SRARP: variants seen among roughly 807,000 people sequenced by gnomAD.
SRARP encodes steroid receptor-associated and regulated protein.
SRARP carries 5 observed loss-of-function variants against 3.6 expected under a neutral mutation model. That is an observed-to-expected ratio of 1.39 (90% CI 0.73 to 2.93). The LOEUF is 2.93. Among genes scored for constraint, SRARP ranks in the 30% most tolerant of loss-of-function variants. The pLI is 0.00. For synonymous variants in SRARP, 96 were observed against 91.6 expected (o/e 1.05, Z -0.27); for missense variants, 215 against 216.7 (o/e 0.99, Z 0.05).
chr1:16,006,539 C>T lies in SRARP; in HGVS notation c.*193C>T, dbSNP rs770398572. 6.7e-5 allele frequency: 40 copies of T among 597,402 alleles called. No individual in the cohort carries two copies. The highest frequency in any genetic ancestry group is 1.1e-4 in the Non-Finnish European group (39 of 349,560). The allele number at this position is 597,402 out of a possible 1,614,324, so 37.0% of individuals were successfully genotyped here. ...ACATGAAGAGACTCATTCATTCATA[C>T]AGCAAATATTACTGGTACATCTTCC... On this transcript the variant is annotated 3_prime_UTR_variant, in exon 2 of 2. Transcript: ENST00000329454.
Position 16,006,177 on chromosome 1 carries a change from G to T in SRARP, c.341G>T (p.Arg114Ile). ...GCCAGGGCCACCCTGCCGCTCTGCA[G>T]AGGGTCTGTGGCCTCAGCTTCCTTC... is the stretch of plus-strand genomic sequence containing the variant. ...AQARATLPLC[R>I]GSVASASFPV... The change falls in exon 2 of 2, where the codon AGA becomes ATA. Residue 114 changes from arginine (R) to isoleucine (I), a missense_variant. Coordinates refer to ENST00000329454, the MANE Select transcript of SRARP (RefSeq NM_178840.4). 1 of 1,613,940 alleles carries T rather than the reference G, an allele frequency of 6.2e-7. No individual in the cohort carries two copies. The highest frequency in any genetic ancestry group is 8.5e-7 in the Non-Finnish European group (1 of 1,180,034).
Position 16,008,378 on chromosome 1 carries a change from A to G in SRARP, c.*2032A>G, listed in dbSNP as rs753128156. 3 of 152,264 alleles carry G rather than the reference A, an allele frequency of 2.0e-5. No individual in the cohort carries two copies. The highest frequency in any genetic ancestry group is 2.9e-5 in the Non-Finnish European group (2 of 68,054). 9.4% of individuals were successfully genotyped at this position (152,264 alleles called of 1,614,324 possible). On this transcript the variant is annotated 3_prime_UTR_variant, in exon 2 of 2. Transcript: ENST00000329454. Reference sequence around the variant, plus strand: ...ATTTATTGGGCATCCACTGAATGCCAGGCTTTGGGCTAAACCATGAGATGG... The same window carrying G: ...ATTTATTGGGCATCCACTGAATGCCGGGCTTTGGGCTAAACCATGAGATGG...
rs1489329707 is a variant in SRARP, at chr1:16,006,213, C to T, written c.377C>T (p.Pro126Leu). The T allele has an allele frequency of 5.6e-6, 9 of 1,613,930 alleles. No individual in the cohort carries two copies. Among genetic ancestry groups the T allele is most frequent in the South Asian group, 2.2e-5 (2 of 91,090 alleles). The change falls in exon 2 of 2, where the codon CCG (proline) becomes CTG (leucine). Residue 126 changes from proline to leucine, a missense_variant. Coordinates refer to ENST00000329454, the MANE Select transcript of SRARP (RefSeq NM_178840.4). ...GCCTCAGCTTCCTTCCCAGTCAGCC[C>T]GCTCTGCCCCCAGGAGGTTCCCGAG... ...SVASASFPVS[P>L]LCPQEVPEAK...
Position 16,006,255 on chromosome 1 carries a change from T to G in SRARP, c.419T>G (p.Val140Gly). Reference protein sequence around the residue: ...QEVPEAKGKPVKAAPVRSSTW... With the variant: ...QEVPEAKGKPGKAAPVRSSTW... ...GTTCCCGAGGCTAAGGGGAAACCCG[T>G]GAAGGCTGCGCCTGTGAGGTCTTCA... The change falls in exon 2 of 2, where the codon GTG becomes GGG. Residue 140 changes from valine to glycine, a missense_variant. Transcript: ENST00000329454. 1 of 1,614,004 alleles carries G rather than the reference T, an allele frequency of 6.2e-7. No homozygotes were observed. Among genetic ancestry groups the G allele is most frequent in the Non-Finnish European group, 8.5e-7 (1 of 1,180,034 alleles).
rs562547008 is a variant in SRARP at position 16,006,693 on chromosome 1, C to T, written c.*347C>T. On this transcript the variant is annotated 3_prime_UTR_variant, in exon 2 of 2. Coordinates refer to ENST00000329454, the MANE Select transcript of SRARP (RefSeq NM_178840.4). ...AAATAAAGAAGATGATTTTGAACAG[C>T]GATGAATGCTCTGCAGGAACTGAAA... The T allele has an allele frequency of 3.8e-4, 82 of 217,436 alleles. No individual in the cohort carries two copies. Among genetic ancestry groups the T allele is most frequent in the African/African-American group, 1.8e-3 (80 of 43,748 alleles). 13.5% of individuals were successfully genotyped at this position (217,436 alleles called of 1,614,324 possible).
chr1:16,004,485 C>T (rs2073115832), intron 1 of SRARP, 100 bp downstream of exon 1: 8 of 1,064,140 alleles, frequency 7.5e-6, no homozygotes, highest in South Asian at 4.3e-5. Context: ...GAGGCCGAAG[C>T]GGGCAGATCA....
chr1:16,005,955 C>A lies in SRARP; in HGVS notation c.119C>A (p.Thr40Lys). 11 of 1,602,494 alleles carry A rather than the reference C, an allele frequency of 6.9e-6. No homozygotes were observed. Among genetic ancestry groups the A allele is most frequent in the East Asian group, 2.2e-5 (1 of 44,828 alleles). ...GCTGGCCATCAGAAGACCGTCCCCA[C>A]GGCTCACCTGACTTTTGTTATTGAC... Reference protein sequence around the residue: ...KLAGHQKTVPTAHLTFVIDCT... With the variant: ...KLAGHQKTVPKAHLTFVIDCT... Residue 40 changes from threonine (T) to lysine (K), a missense_variant, in exon 2 of 2, where the codon ACG becomes AAG. Transcript: ENST00000329454.
rs751844765 is a variant in SRARP, at chr1:16,005,927, C to G, written c.91C>G (p.Leu31Val). ...CTTTTCCTCTCTTCTAGGTGGGAAG[C>G]TGGCTGGCCATCAGAAGACCGTCCC... ...TGLETSSGGK[L>V]AGHQKTVPTA... Residue 31 changes from leucine to valine, a missense_variant, in exon 2 of 2, where the codon CTG (leucine) becomes GTG (valine). Coordinates refer to ENST00000329454, the MANE Select transcript of SRARP (RefSeq NM_178840.4). 1.0e-5 allele frequency: 16 copies of G among 1,570,036 alleles called. No individual in the cohort carries two copies. The South Asian group carries it at 1.2e-4, about 12-fold the overall frequency.
chr1:16,004,585 G>A (rs1402553646), intron 1 of SRARP, among the ~76,000 whole-genome samples, 200 bp downstream of exon 1: 2 of 152,018 alleles, frequency 1.3e-5, no homozygotes, highest in African/African-American at 2.4e-5. Flanking sequence ...GTGGTGGCGG[G>A]TGCCTATAAT....
rs1322865874 is a variant in SRARP at position 16,008,384 on chromosome 1, T to C, written c.*2038T>C. 6.6e-6 allele frequency: 1 copy of C among 152,200 alleles called. No homozygotes were observed. Among genetic ancestry groups the C allele is most frequent in the Admixed American group, 6.5e-5 (1 of 15,276 alleles). 9.4% of individuals were successfully genotyped at this position (152,200 alleles called of 1,614,324 possible). A position where few individuals can be genotyped will look rare whatever the true frequency, so the allele number is the denominator to read the frequency against. On this transcript the variant is annotated 3_prime_UTR_variant, in exon 2 of 2. Coordinates refer to ENST00000329454, the MANE Select transcript of SRARP (RefSeq NM_178840.4). ...TGGGCATCCACTGAATGCCAGGCTT[T>C]GGGCTAAACCATGAGATGGAGCAAT...
At chr1:16,004,508 T>C in intron 1 of SRARP, 123 bp downstream of exon 1, 1 of 771,620 alleles carries the variant, frequency 1.3e-6, no homozygotes, top group Non-Finnish European at 2.0e-6. Context: ...AGGTCAGGAG[T>C]TCGAGACCAG....
chr1:16,004,309 C>G lies in SRARP; in HGVS notation c.6C>G (p.Ala2=). Residue 2 remains alanine, a synonymous_variant, in exon 1 of 2, where the codon GCC becomes GCG. Transcript: ENST00000329454. M[A]PSEDPRDWRA... ...GCAGGCGCCGAAGTAGCCGCATGGC[C>G]CCGTCAGAAGACCCCAGGGACTGGA... 6.2e-7 allele frequency: 1 copy of G among 1,602,422 alleles called. No individual in the cohort carries two copies. Among genetic ancestry groups the G allele is most frequent in the Non-Finnish European group, 8.5e-7 (1 of 1,175,108 alleles).
Position 16,005,996 on chromosome 1 carries a change from C to A in SRARP, c.160C>A (p.Gln54Lys). 6.2e-7 allele frequency: 1 copy of A among 1,613,526 alleles called. No individual in the cohort carries two copies. The highest frequency in any genetic ancestry group is 8.5e-7 in the Non-Finnish European group (1 of 1,179,794). ...TGTTATTGACTGCACCCACGGGAAG[C>A]AGCTCTCCCTGGCAGCAACCGCATC... Reference protein sequence around the residue: ...TFVIDCTHGKQLSLAATASPP... With the variant: ...TFVIDCTHGKKLSLAATASPP... The change falls in exon 2 of 2, where the codon CAG becomes AAG. Residue 54 changes from glutamine (Q) to lysine (K), a missense_variant. Physicochemically the swap from Gln to Lys is moderately conservative, Grantham distance 53 (BLOSUM62 1). Coordinates refer to ENST00000329454, the MANE Select transcript of SRARP (RefSeq NM_178840.4).
intron 1 of SRARP, 146 bp from the exon 2 acceptor site, chr1:16,005,773 T>G: frequency 1.3e-6 from 1 of 786,676 alleles, no homozygotes; most frequent in Non-Finnish European, 2.0e-6. Flanking sequence ...CTTAGGGGGC[T>G]GAGATGGGAG....
intron 1 of SRARP, among the ~76,000 whole-genome samples, chr1:16,005,201 A>C (rs1331305501): frequency 6.6e-6 from 1 of 152,070 alleles, no homozygotes; most frequent in African/African-American, 2.4e-5. Context: ...CAGTTTCCTC[A>C]CCTGGAAAGA....
Position 16,005,989 on chromosome 1 carries a change from C to A in SRARP, c.153C>A (p.His51Gln), listed in dbSNP as rs1557432752. The A allele has an allele frequency of 6.2e-7, 1 of 1,613,032 alleles. No individual in the cohort carries two copies. Among genetic ancestry groups the A allele is most frequent in the African/African-American group, 1.3e-5 (1 of 75,036 alleles). The change falls in exon 2 of 2, where the codon CAC (histidine) becomes CAA (glutamine). Residue 51 changes from histidine to glutamine, a missense_variant. His to Gln is a conservative substitution (Grantham distance 24). Coordinates refer to ENST00000329454, the MANE Select transcript of SRARP (RefSeq NM_178840.4). ...AHLTFVIDCT[H>Q]GKQLSLAATA... The stretch of plus-strand genomic sequence containing the variant: ...TGACTTTTGTTATTGACTGCACCCA[C>A]GGGAAGCAGCTCTCCCTGGCAGCAA...
chr1:16,007,212 A>T lies in SRARP; in HGVS notation c.*866A>T, dbSNP rs2073134631. ...AAGACATGTTATTTATTGAGCATCT[A>T]CTGCATACCAGGCTCATGCTGCCCT... On this transcript the variant is annotated 3_prime_UTR_variant, in exon 2 of 2. Transcript: ENST00000329454. 1 of 151,150 alleles carries T rather than the reference A, an allele frequency of 6.6e-6. No homozygotes were observed. The highest frequency in any genetic ancestry group is 1.5e-5 in the Non-Finnish European group (1 of 67,894). 9.4% of individuals were successfully genotyped at this position (151,150 alleles called of 1,614,324 possible).
chr1:16,006,053 C>T lies in SRARP; in HGVS notation c.217C>T (p.Leu73Phe). ...CCAAGCCCCCAGTCCCAATCGAGGG[C>T]TTGTCACCCCACCAATGAAGACCTA... ...PPQAPSPNRGLVTPPMKTYIV... is the reference protein window; with the variant it reads ...PPQAPSPNRGFVTPPMKTYIV... The change falls in exon 2 of 2, where the codon CTT becomes TTT. Residue 73 changes from leucine (L) to phenylalanine (F), a missense_variant. Coordinates refer to ENST00000329454, the MANE Select transcript of SRARP (RefSeq NM_178840.4). The T allele has an allele frequency of 6.2e-7, 1 of 1,614,100 alleles. No homozygotes were observed. The highest frequency in any genetic ancestry group is 8.5e-7 in the Non-Finnish European group (1 of 1,180,000).
rs777100694 is a variant in SRARP at position 16,006,067 on chromosome 1, A to C, written c.231A>C (p.Pro77=). Residue 77 remains proline, a synonymous_variant, in exon 2 of 2, where the codon CCA becomes CCC. Coordinates refer to ENST00000329454, the MANE Select transcript of SRARP (RefSeq NM_178840.4). ...PSPNRGLVTP[P]MKTYIVFCGE... ...CCAATCGAGGGCTTGTCACCCCACCAATGAAGACCTACATCGTGTTCTGTG... is the reference window on the plus strand; with the variant it reads ...CCAATCGAGGGCTTGTCACCCCACCCATGAAGACCTACATCGTGTTCTGTG... 55 of 1,613,666 alleles carry C rather than the reference A, an allele frequency of 3.4e-5. No individual in the cohort carries two copies. Among genetic ancestry groups the C allele is most frequent in the Non-Finnish European group, 2.5e-6 (3 of 1,179,936 alleles).
Sources: gnomAD v4.1 joint callset for allele counts (sites outside exome capture counted in the v4.1 genomes callset) on GRCh38, gnomAD v4.1.1 for gene constraint, MANE v1.5 for transcripts, NCBI Gene and HGNC (gene_info 2026-07-23, HGNC 2026-07-21) for gene names.